The following DYNLT2 variants were observed in gnomAD, a reference collection of about 807,000 sequenced individuals.
The protein encoded by DYNLT2 is dynein light chain Tctex-type 2.
In DYNLT2, 24 loss-of-function variants were observed where a neutral mutation model predicts 24.3. The ratio of observed to expected loss-of-function variants is 0.99; its 90% CI spans 0.71 to 1.39. The LOEUF (loss-of-function observed/expected upper bound fraction) is 1.39. Among genes scored for constraint, DYNLT2 ranks in the 40% most tolerant of loss-of-function variants. The pLI is 0.00. For missense variants in DYNLT2, 246 were observed against 234.5 expected, an observed-to-expected ratio of 1.05 and a Z score of -0.32; for synonymous variants, 85 against 85.4, an observed-to-expected ratio of 1.00 and a Z score of 0.03.
downstream of DYNLT2, among the ~76,000 whole-genome samples, chr6:169,737,581 C>T (rs1789587555): frequency 6.6e-6 from 1 of 152,100 alleles, no homozygotes; most frequent in South Asian, 2.1e-4. Flanking sequence ...TTCTGTAGGG[C>T]TGCTGCAGTT....
chr6:169,740,441 A>G (rs1562995561), intron 3 of DYNLT2, 146 bp from the exon 4 acceptor site: 22 of 618,100 alleles, frequency 3.6e-5, no homozygotes, highest in Non-Finnish European at 4.3e-5. Context: ...TCCCTTTCAT[A>G]AAGAGCCTGG....
the DYNLT2 span, chr6:169,725,309 A>G: frequency 2.5e-6 from 1 of 398,704 alleles, no homozygotes; most frequent in Non-Finnish European, 4.4e-6. Context: ...TCCATTCATT[A>G]TAGTTGCCTA....
At chr6:169,733,773 T>G in the DYNLT2 span, among the ~76,000 whole-genome samples, 3 of 152,248 alleles carry the variant, frequency 2.0e-5, no homozygotes, top group South Asian at 6.2e-4. Flanking sequence ...ATATAGGGTC[T>G]TCTTTGATTC....
chr6:169,745,101 G>GC (rs1185551975), intron 1 of DYNLT2, among the ~76,000 whole-genome samples: 1 of 145,326 alleles, frequency 6.9e-6, no homozygotes, highest in Non-Finnish European at 1.5e-5. Context: ...TTTTTTGTTT[G>GC]TTTTTTTTTT....
intron 1 of DYNLT2, among the ~76,000 whole-genome samples, chr6:169,748,832 A>G (rs1789873100): frequency 6.6e-6 from 1 of 152,154 alleles, no homozygotes; most frequent in South Asian, 2.1e-4. Flanking sequence ...GAAAATTTAC[A>G]TCTGTACCAT....
At chr6:169,730,299 T>G in the DYNLT2 span, among the ~76,000 whole-genome samples, 8 of 152,290 alleles carry the variant, frequency 5.3e-5, no homozygotes, top group African/African-American at 1.7e-4. Flanking sequence ...GTAGCTCAAG[T>G]CTTCAAGTGA....
At chr6:169,726,258 T>C in the DYNLT2 span, among the ~76,000 whole-genome samples, 2 of 152,046 alleles carry the variant, frequency 1.3e-5, no homozygotes, top group Admixed American at 6.6e-5. Flanking sequence ...TACAATATGG[T>C]ACGAATATAT....
chr6:169,748,791 T>C (rs898258913), intron 1 of DYNLT2, among the ~76,000 whole-genome samples: 4 of 152,232 alleles, frequency 2.6e-5, no homozygotes, highest in African/African-American at 9.6e-5. Flanking sequence ...GTGTGTGGCC[T>C]GAAAATAACC....
At chr6:169,730,024 A>G in the DYNLT2 span, among the ~76,000 whole-genome samples, 11 of 152,252 alleles carry the variant, frequency 7.2e-5, no homozygotes, top group Admixed American at 7.2e-4. Context: ...CTAGCTGTGA[A>G]TTTTCTTCTT....
chr6:169,725,686 G>A, the DYNLT2 span: 1 of 169,226 alleles, frequency 5.9e-6, no homozygotes, highest in African/African-American at 2.4e-5. Context: ...AAGCTATTTG[G>A]TACTCCTCTC....
downstream of DYNLT2, among the ~76,000 whole-genome samples, chr6:169,738,008 G>GA (rs141997531): frequency 0.1 from 15,903 of 152,142 alleles, 888 homozygotes; most frequent in African/African-American, 0.12. Flanking sequence ...CCTCTGGCTG[G>GA]AGTTATTGGA....
the DYNLT2 span, among the ~76,000 whole-genome samples, chr6:169,730,052 A>G: frequency 2.6e-5 from 4 of 152,256 alleles, no homozygotes; most frequent in Non-Finnish European, 5.9e-5. Flanking sequence ...TTCCTCACAT[A>G]AAGTTAATAT....
rs200835454 is a variant in DYNLT2 at position 169,744,745 on chromosome 6, CGTAA to C, written c.121-475_121-472del. On this transcript the variant is annotated intron_variant, in intron 1 of 3. Transcript: ENST00000366774. ...AATACAATTATTTAGATAGCACATT[CGTAA>C]GTCTTAAGGTGAAAAGACACCAAAA... Among the ~76,000 whole-genome samples the C allele has an allele frequency of 5.8e-3, 879 of 152,214 alleles. 3 individuals carry two copies. Among genetic ancestry groups the C allele is most frequent in the East Asian group, 0.033 (172 of 5,174 alleles).
At chr6:169,743,687 T>C (rs1443379772) in intron 2 of DYNLT2, among the ~76,000 whole-genome samples, 2 of 152,226 alleles carry the variant, frequency 1.3e-5, no homozygotes, top group Non-Finnish European at 2.9e-5. Flanking sequence ...CTCAGTGGGC[T>C]CATATTAAAA....
intron 1 of DYNLT2, among the ~76,000 whole-genome samples, chr6:169,747,895 A>G (rs1789845715): frequency 6.6e-6 from 1 of 151,906 alleles, no homozygotes; most frequent in Non-Finnish European, 1.5e-5. Context: ...TATTCCTAAG[A>G]CTCTTGAGCT....
chr6:169,743,798 A>C (rs1217260717), intron 2 of DYNLT2, among the ~76,000 whole-genome samples: 2 of 152,198 alleles, frequency 1.3e-5, no homozygotes, highest in African/African-American at 4.8e-5. Flanking sequence ...TTTATTAATA[A>C]ATTAATGTAT....
chr6:169,751,356 T>A lies in DYNLT2; in HGVS notation c.103A>T (p.Met35Leu). Residue 35 changes from methionine to leucine, a missense_variant, in exon 1 of 4, where the codon ATG (methionine) becomes TTG (leucine). Physicochemically the swap from Met to Leu is conservative, Grantham distance 15. Transcript: ENST00000366774. ...VTPRKERRPS[M>L]FEKEAYTQIL... Reference sequence around the variant, plus strand: ...GCACTCACTGCCTCCTTCTCGAACATGCTAGGCCTCCTTTCTTTCCTAGGC... The same window carrying A: ...GCACTCACTGCCTCCTTCTCGAACAAGCTAGGCCTCCTTTCTTTCCTAGGC... 6.2e-7 allele frequency: 1 copy of A among 1,614,066 alleles called. No individual in the cohort carries two copies.
the DYNLT2 span, among the ~76,000 whole-genome samples, chr6:169,726,346 A>G: frequency 6.6e-6 from 1 of 152,244 alleles, no homozygotes; most frequent in African/African-American, 2.4e-5. Flanking sequence ...CCAACTAAAA[A>G]AAATGGAGGT....
the DYNLT2 span, chr6:169,725,546 T>C: frequency 7.7e-6 from 3 of 388,228 alleles, no homozygotes; most frequent in Non-Finnish European, 1.4e-5. Flanking sequence ...AGGTGTAAGC[T>C]TCCGCCGCAC....
Sources: gnomAD v4.1 joint callset for allele counts (sites outside exome capture counted in the v4.1 genomes callset) on GRCh38, gnomAD v4.1.1 for gene constraint, MANE v1.5 for transcripts, NCBI Gene and HGNC (gene_info 2026-07-23, HGNC 2026-07-21) for gene names.